Variants in KLF8 observed in about 807,000 individuals in gnomAD.
The protein encoded by KLF8 is Krueppel-like factor 8.
Under a neutral mutation model 18.2 loss-of-function variants are expected in KLF8, and 10 were observed. That is an observed-to-expected ratio of 0.55 (90% CI 0.34 to 0.93). The LOEUF (loss-of-function observed/expected upper bound fraction) is 0.93, where lower values mean the gene tolerates loss of function less well. KLF8 is among the 40% of genes least tolerant of loss of function. The pLI is 0.02. For missense variants in KLF8, 264 were observed against 277.9 expected, an observed-to-expected ratio of 0.95 and a Z score of 0.36; for synonymous variants, 109 against 97.3, an observed-to-expected ratio of 1.12 and a Z score of -0.71.
the KLF8 span, among the ~76,000 whole-genome samples, chrX:55,971,741 G>T: frequency 4.5e-5 from 5 of 110,685 alleles, no homozygotes; most frequent in Non-Finnish European, 9.5e-5. Flanking sequence ...ATCAAAACAT[G>T]GGAAAAAGAT....
At chrX:56,258,867 G>A (rs2066842738) in intron 2 of KLF8, among the ~76,000 whole-genome samples, 1 of 111,699 alleles carries the variant, frequency 9.0e-6, no homozygotes, top group Non-Finnish European at 1.9e-5. Context: ...ACTACGCAAT[G>A]CTGGCATCAT....
the KLF8 span, among the ~76,000 whole-genome samples, chrX:55,974,469 A>G: frequency 3.6e-5 from 4 of 112,134 alleles, no homozygotes; most frequent in Middle Eastern, 9.1e-3. Flanking sequence ...AGGAAAAAAT[A>G]GAGATAGTGT....
At chrX:56,148,601 G>T in the KLF8 span, among the ~76,000 whole-genome samples, 2 of 111,968 alleles carry the variant, frequency 1.8e-5, no homozygotes, top group Non-Finnish European at 1.9e-5. Context: ...TCAAGACTGG[G>T]TAATTTACAA....
intron 1 of KLF8, among the ~76,000 whole-genome samples, chrX:56,244,244 T>C (rs1366408703): frequency 8.9e-6 from 1 of 112,013 alleles, no homozygotes; most frequent in Non-Finnish European, 1.9e-5. Context: ...ACAGGGTCTC[T>C]CTGCACCCAG....
At chrX:56,025,110 T>A in the KLF8 span, among the ~76,000 whole-genome samples, 1 of 112,251 alleles carries the variant, frequency 8.9e-6, no homozygotes, top group East Asian at 2.8e-4. Context: ...CCTGTTACAG[T>A]TCCTCCACAA....
the KLF8 span, among the ~76,000 whole-genome samples, chrX:56,161,657 T>C: frequency 3.6e-5 from 4 of 111,675 alleles, no homozygotes; most frequent in East Asian, 2.8e-4. Context: ...GTTATTCTAA[T>C]TAGCCATTCG....
the KLF8 span, among the ~76,000 whole-genome samples, chrX:56,136,451 A>T: frequency 9.0e-6 from 1 of 111,117 alleles, no homozygotes; most frequent in Middle Eastern, 4.6e-3. Flanking sequence ...ATAACGCCGC[A>T]TATCTACAAC....
chrX:56,010,559 C>T, the KLF8 span, among the ~76,000 whole-genome samples: 2 of 111,585 alleles, frequency 1.8e-5, no homozygotes, highest in African/African-American at 6.5e-5. Flanking sequence ...ATCAACAAGT[C>T]TGCAAAATAA....
chrX:56,009,453 G>T, the KLF8 span, among the ~76,000 whole-genome samples: 3 of 111,678 alleles, frequency 2.7e-5, no homozygotes, highest in African/African-American at 6.5e-5. Context: ...TCATCCAAAG[G>T]TCAGCAGCCT....
chrX:55,991,850 A>T, the KLF8 span, among the ~76,000 whole-genome samples: 3 of 112,362 alleles, frequency 2.7e-5, no homozygotes, highest in African/African-American at 9.7e-5. Context: ...TTCTCTAATG[A>T]TTAGTGATGC....
chrX:55,941,701 G>A, the KLF8 span, among the ~76,000 whole-genome samples: 7 of 111,807 alleles, frequency 6.3e-5, no homozygotes, highest in East Asian at 2.8e-4. Flanking sequence ...CAAAAAGTGG[G>A]CAAAGGATAT....
At chrX:56,140,944 C>A in the KLF8 span, among the ~76,000 whole-genome samples, 2 of 110,895 alleles carry the variant, frequency 1.8e-5, no homozygotes, top group Non-Finnish European at 3.8e-5. Context: ...CTAAAAACAT[C>A]TCATTATTGT....
chrX:56,222,216 C>T, the KLF8 span, among the ~76,000 whole-genome samples: 2 of 109,796 alleles, frequency 1.8e-5, no homozygotes, highest in African/African-American at 6.7e-5. Context: ...AGACACAGAG[C>T]GCAGATTGGT....
the KLF8 span, among the ~76,000 whole-genome samples, chrX:56,120,810 G>A: frequency 9.0e-6 from 1 of 111,538 alleles, no homozygotes; most frequent in Non-Finnish European, 1.9e-5. Flanking sequence ...GAGGGTGAGA[G>A]TTTGACCTTT....
the KLF8 span, among the ~76,000 whole-genome samples, chrX:56,059,995 A>T: frequency 9.0e-6 from 1 of 111,547 alleles, no homozygotes; most frequent in Non-Finnish European, 1.9e-5. Context: ...GTATGGAATG[A>T]TTTTCCAATT....
At chrX:56,153,946 G>A in the KLF8 span, among the ~76,000 whole-genome samples, 1 of 111,530 alleles carries the variant, frequency 9.0e-6, no homozygotes, top group South Asian at 3.8e-4. Context: ...CAAACAAATG[G>A]AAGAACATTC....
the KLF8 span, among the ~76,000 whole-genome samples, chrX:56,200,150 G>A: frequency 1.8e-5 from 2 of 110,566 alleles, no homozygotes; most frequent in South Asian, 3.9e-4. Context: ...GTTGATGGGT[G>A]CAGCAAACCA....
chrX:56,194,099 C>T, the KLF8 span, among the ~76,000 whole-genome samples: 13 of 110,502 alleles, frequency 1.2e-4, no homozygotes, highest in Non-Finnish European at 2.3e-4. Flanking sequence ...GGAGGTGTTC[C>T]AAGATGGCCA....
the KLF8 span, among the ~76,000 whole-genome samples, chrX:56,039,011 T>G: frequency 2.7e-5 from 3 of 112,146 alleles, no homozygotes; most frequent in African/African-American, 6.5e-5. Context: ...TTATGTCTTC[T>G]TTTGAGAAGT....
Sources: allele counts gnomAD v4.1 joint callset (sites outside exome capture counted in the v4.1 genomes callset), GRCh38; gene constraint gnomAD v4.1.1; transcripts MANE v1.5; gene names NCBI Gene and HGNC (gene_info 2026-07-23, HGNC 2026-07-21).